Variants in LIFR observed in about 807,000 individuals in gnomAD.
The protein encoded by LIFR is LIF receptor subunit alpha.
Under a neutral mutation model 122.2 loss-of-function variants are expected in LIFR, and 84 were observed. That is an observed-to-expected ratio of 0.69 (90% CI 0.58 to 0.82). The LOEUF (loss-of-function observed/expected upper bound fraction) is 0.82. LIFR is among the 40% of genes least tolerant of loss of function. The pLI, the probability that LIFR is intolerant of heterozygous loss-of-function variation, is 0.00. For missense variants in LIFR, 1,294 were observed against 1,311.6 expected (o/e 0.99, Z 0.21); for synonymous variants, 422 against 434.7 (o/e 0.97, Z 0.36).
chr5:38,534,329 A>G (rs1166051310), intron 1 of LIFR, among the ~76,000 whole-genome samples: 2 of 152,252 alleles, frequency 1.3e-5, no homozygotes, highest in African/African-American at 4.8e-5. Context: ...AGTGAAGTGT[A>G]GGGGCTCTTC....
At chr5:38,571,662 A>T (rs138577171) in intron 1 of LIFR, among the ~76,000 whole-genome samples, 88 of 152,226 alleles carry the variant, frequency 5.8e-4, no homozygotes, top group Admixed American at 3.7e-3. Flanking sequence ...ATGTCTTGTT[A>T]TCATAATGCA....
At chr5:38,517,228 TA>T (rs1332031732) in intron 5 of LIFR, among the ~76,000 whole-genome samples, 4 of 152,004 alleles carry the variant, frequency 2.6e-5, no homozygotes, top group African/African-American at 9.6e-5. Context: ...ATTTAATAAA[TA>T]AAAAAATAAA....
At position 38,568,018 on chromosome 5, in the gene LIFR, C is replaced by G. The variant is rs186997431; in HGVS notation, c.-20+27243G>C. 5.3e-5 allele frequency among the ~76,000 whole-genome samples: 8 copies of G among 152,282 alleles called. No individual in the cohort carries two copies. In the South Asian group the frequency reaches 8.3e-4, roughly 16 times the overall value. On this transcript the variant is annotated intron_variant, in intron 1 of 19. Transcript: ENST00000263409. ...CAGATTCAACCTATTCAAAATTGAACTGATATTTTCTGCTGAAAACACACT... is the reference window on the plus strand; with the variant it reads ...CAGATTCAACCTATTCAAAATTGAAGTGATATTTTCTGCTGAAAACACACT...
intron 1 of LIFR, among the ~76,000 whole-genome samples, chr5:38,563,636 C>A (rs1748911323): frequency 6.6e-6 from 1 of 152,178 alleles, no homozygotes; most frequent in African/African-American, 2.4e-5. Flanking sequence ...AAACATTGAA[C>A]ATTTATTAAG....
upstream of LIFR, among the ~76,000 whole-genome samples, chr5:38,559,539 T>C (rs1483658907): frequency 6.6e-6 from 1 of 152,368 alleles, no homozygotes; most frequent in East Asian, 1.9e-4. Flanking sequence ...CTAATTTATA[T>C]AATATTTACT....
chr5:38,562,420 A>C (rs1748871397), intron 1 of LIFR, among the ~76,000 whole-genome samples: 2 of 152,104 alleles, frequency 1.3e-5, no homozygotes. Context: ...TGTTGACCAG[A>C]GTCATTTAGG....
chr5:38,571,736 T>C (rs1157703681), intron 1 of LIFR, among the ~76,000 whole-genome samples: 1 of 152,180 alleles, frequency 6.6e-6, no homozygotes, highest in Non-Finnish European at 1.5e-5. Flanking sequence ...TATCCCATGG[T>C]CAATGAATTT....
At chr5:38,589,061 G>A (rs1042706799) in intron 1 of LIFR, among the ~76,000 whole-genome samples, 2 of 149,220 alleles carry the variant, frequency 1.3e-5, no homozygotes, top group African/African-American at 5.0e-5. Flanking sequence ...GCAGTGGCGC[G>A]ATCTTGGCTC....
intron 12 of LIFR, among the ~76,000 whole-genome samples, chr5:38,498,696 A>C (rs1172446356): frequency 2.0e-5 from 3 of 152,210 alleles, no homozygotes; most frequent in Non-Finnish European, 4.4e-5. Flanking sequence ...CGTATATTGA[A>C]GTAAATTGTA....
chr5:38,585,093 T>G (rs1215206835), intron 1 of LIFR, among the ~76,000 whole-genome samples: 2 of 152,196 alleles, frequency 1.3e-5, no homozygotes, highest in Non-Finnish European at 2.9e-5. Flanking sequence ...ATGCCATAAG[T>G]GTTTTTATTA....
At chr5:38,503,082 T>A (rs897310743) in intron 10 of LIFR, among the ~76,000 whole-genome samples, 1 of 152,152 alleles carries the variant, frequency 6.6e-6, no homozygotes, top group South Asian at 2.1e-4. Context: ...TAAGTAATAA[T>A]GGTCAATTAA....
upstream of LIFR, among the ~76,000 whole-genome samples, chr5:38,595,717 C>A (rs1750076362): frequency 6.8e-6 from 1 of 147,780 alleles, no homozygotes. Context: ...TCCTGAAAAC[C>A]ACAATAGGTC....
At chr5:38,488,080 A>G (rs867325590) in intron 16 of LIFR, among the ~76,000 whole-genome samples, 7 of 152,176 alleles carry the variant, frequency 4.6e-5, no homozygotes, top group Non-Finnish European at 1.0e-4. Flanking sequence ...CCCATCTACC[A>G]TGTCTCACTG....
In LIFR at chr5:38,502,759, A is replaced by G. The variant is rs200159865; in HGVS notation, c.1478T>C (p.Leu493Pro). 1.2e-6 allele frequency: 2 copies of G among 1,609,834 alleles called. No homozygotes were observed. Among genetic ancestry groups the G allele is most frequent in the Middle Eastern group, 1.7e-4 (1 of 6,032 alleles). The change falls in exon 11 of 20, where the codon CTT becomes CCT. Residue 493 changes from leucine (L) to proline (P), a missense_variant. By Grantham distance (98) the Leu-to-Pro change is moderately conservative. Transcript: ENST00000453190. ...TGGATTTAACTTGTCCAGAGCAACA[A>G]GATAACTTGAATTTTCTACTCCTTT... ...TIKGVENSSY[L>P]VALDKLNPYT...
At chr5:38,582,156 G>A (rs1749609461) in intron 1 of LIFR, among the ~76,000 whole-genome samples, 2 of 151,766 alleles carry the variant, frequency 1.3e-5, no homozygotes, top group Non-Finnish European at 2.9e-5. Context: ...GAACTCCTGG[G>A]CTCAAGTGAT....
At chr5:38,490,394 T>C in intron 14 of LIFR, 103 bp from the exon 15 acceptor site, 1 of 530,082 alleles carries the variant, frequency 1.9e-6, no homozygotes. Context: ...CCAAAGCTAA[T>C]TTTAAAGATG....
intron 7 of LIFR, among the ~76,000 whole-genome samples, chr5:38,508,117 TAGA>T (rs887137123): frequency 2.0e-5 from 3 of 152,044 alleles, no homozygotes; most frequent in African/African-American, 7.2e-5. Flanking sequence ...AAGAGATAAA[TAGA>T]AGGACAGACA....
At chr5:38,528,231 C>T (rs902787499) in intron 3 of LIFR, among the ~76,000 whole-genome samples, 5 of 152,204 alleles carry the variant, frequency 3.3e-5, no homozygotes, top group Admixed American at 1.3e-4. Context: ...TCTAGACATT[C>T]ATACTCCTAG....
chr5:38,549,515 G>A (rs1748082972), intron 1 of LIFR, among the ~76,000 whole-genome samples: 1 of 152,176 alleles, frequency 6.6e-6, no homozygotes, highest in Admixed American at 6.5e-5. Flanking sequence ...CTTACAGGCT[G>A]GTTACAGTGG....
Sources: allele counts gnomAD v4.1 joint callset (sites outside exome capture counted in the v4.1 genomes callset), GRCh38; gene constraint gnomAD v4.1.1; transcripts MANE v1.5; gene names NCBI Gene and HGNC (gene_info 2026-07-23, HGNC 2026-07-21).